The following FRAS1 variants were observed in gnomAD, a reference collection of about 807,000 sequenced individuals.
FRAS1 encodes the protein extracellular matrix organizing protein FRAS1.
A neutral mutation model predicts 435.2 loss-of-function variants in FRAS1; 290 were observed. The observed-to-expected ratio is 0.67, with a 90% CI of 0.61 to 0.73. The LOEUF is 0.73. FRAS1 is among the 30% of genes least tolerant of loss of function. FRAS1 has a pLI of 0.00. For synonymous variants in FRAS1, 1,800 were observed against 1,851.0 expected (o/e 0.97, Z 0.71); for missense variants, 4,860 against 5,001.5 (o/e 0.97, Z 0.85).
At chr4:78,345,249 G>A (rs552041152) in intron 20 of FRAS1, among the ~76,000 whole-genome samples, 17 of 152,124 alleles carry the variant, frequency 1.1e-4, no homozygotes, top group Admixed American at 1.3e-4. Flanking sequence ...AATCATCCCC[G>A]GAAGCCCCCC....
rs1189886985 is a variant in FRAS1, at chr4:78,407,853, T to C, written c.4308+12T>C. ...CCTTCCGCTTCGAGGTACCCTCTGC[T>C]TCCTGACTTTTCTGAAGTCTGATGA... On this transcript the variant is annotated intron_variant, in intron 31 of 73. Coordinates refer to ENST00000512123, the MANE Select transcript of FRAS1 (RefSeq NM_025074.7). 1.3e-6 allele frequency: 2 copies of C among 1,575,136 alleles called. No individual in the cohort carries two copies. The highest frequency in any genetic ancestry group is 2.7e-5 in the African/African-American group (2 of 73,554).
At chr4:78,160,040 A>G (rs992381634) in intron 2 of FRAS1, among the ~76,000 whole-genome samples, 3 of 152,230 alleles carry the variant, frequency 2.0e-5, no homozygotes, top group African/African-American at 7.2e-5. Flanking sequence ...TATCCGTGCT[A>G]CAAGTCAGAG....
intron 70 of FRAS1, among the ~76,000 whole-genome samples, chr4:78,527,366 A>C (rs1232005485): frequency 6.6e-6 from 1 of 151,460 alleles, no homozygotes; most frequent in Non-Finnish European, 1.5e-5. Flanking sequence ...AGCTCTTCTC[A>C]TGTGTTTTGC....
At chr4:78,333,248 T>A in intron 18 of FRAS1, 24 bp from the exon 19 acceptor site, 1 of 1,592,468 alleles carries the variant, frequency 6.3e-7, no homozygotes, top group South Asian at 1.1e-5. Context: ...CCTGATTGTC[T>A]CCTTTGCTTT....
chr4:78,515,958 A>G lies in FRAS1; in HGVS notation c.10334A>G (p.Tyr3445Cys), dbSNP rs1721195578. The G allele has an allele frequency of 2.5e-6, 4 of 1,613,970 alleles. No individual in the cohort carries two copies. The highest frequency in any genetic ancestry group is 1.3e-5 in the African/African-American group (1 of 75,060). Residue 3445 changes from tyrosine (Y) to cysteine (C), a missense_variant, in exon 66 of 74, where the codon TAT (tyrosine) becomes TGT (cysteine). Coordinates refer to ENST00000512123, the MANE Select transcript of FRAS1 (RefSeq NM_025074.7). The part of the protein sequence containing the change: ...KSCVWTFDAY[Y>C]DMTELIDVCG... ...TGCGTGTGGACCTTTGATGCTTATT[A>G]TGACATGACTGAGCTGATTGACGTC...
At chr4:78,466,065 T>G in intron 49 of FRAS1, 143 bp from the exon 50 acceptor site, 1 of 632,242 alleles carries the variant, frequency 1.6e-6, no homozygotes, top group Non-Finnish European at 2.8e-6. Context: ...TAGCTCTATC[T>G]TTGGTGTCTA....
chr4:78,168,123 AACTT>A (rs1194071528), intron 2 of FRAS1, among the ~76,000 whole-genome samples: 1 of 151,806 alleles, frequency 6.6e-6, no homozygotes, highest in African/African-American at 2.4e-5. Flanking sequence ...GTGGGTCTTC[AACTT>A]ACTTAGAATG....
At chr4:78,387,291 A>G (rs778141078) in intron 28 of FRAS1, 84 bp from the exon 29 acceptor site, 1 of 1,007,738 alleles carries the variant, frequency 9.9e-7, no homozygotes, top group Non-Finnish European at 1.5e-6. Flanking sequence ...CTCAAAAAGT[A>G]TAGGAATAAC....
intron 18 of FRAS1, among the ~76,000 whole-genome samples, chr4:78,320,094 T>A (rs1189051509): frequency 6.6e-6 from 1 of 152,192 alleles, no homozygotes; most frequent in Non-Finnish European, 1.5e-5. Context: ...TCCTGGAACA[T>A]GATGGGGAAT....
rs998208495 is a variant in FRAS1 at position 78,241,375 on chromosome 4, G to A, written c.216+3758G>A. ...CTTGCCATCTTCACTATTGCAGCCCGTCAAACAGCATAGTACGCAGCACAC... is the reference window on the plus strand; with the variant it reads ...CTTGCCATCTTCACTATTGCAGCCCATCAAACAGCATAGTACGCAGCACAC... On this transcript the variant is annotated intron_variant, in intron 3 of 73. Coordinates refer to ENST00000512123, the MANE Select transcript of FRAS1 (RefSeq NM_025074.7). Among the ~76,000 whole-genome samples, 6 of 152,110 alleles carry A rather than the reference G, an allele frequency of 3.9e-5. No individual in the cohort carries two copies. The South Asian group carries it at 8.3e-4, about 21-fold the overall frequency.
intron 14 of FRAS1, among the ~76,000 whole-genome samples, chr4:78,298,222 G>T (rs1390120103): frequency 1.3e-5 from 2 of 148,716 alleles, no homozygotes; most frequent in South Asian, 4.2e-4. Context: ...AAAATATAAG[G>T]TGTATTAAAC....
Position 78,057,949 on chromosome 4 carries a change from G to T in FRAS1, c.-61G>T. 2 of 1,542,022 alleles carry T rather than the reference G, an allele frequency of 1.3e-6. No individual in the cohort carries two copies. Among genetic ancestry groups the T allele is most frequent in the Non-Finnish European group, 1.8e-6 (2 of 1,117,782 alleles). The stretch of plus-strand genomic sequence containing the variant: ...TTCCAAGCGCCGGAGCCAGCGTTTT[G>T]GCGGAGCCGCTTCTTGGATGCTGAA... On this transcript the variant is annotated 5_prime_UTR_variant, in exon 1 of 74. Transcript: ENST00000512123. The surrounding 1 kb of genome is among the most constrained non-coding windows in gnomAD (Gnocchi z 4.2).
intron 18 of FRAS1, among the ~76,000 whole-genome samples, chr4:78,331,865 G>A (rs2110256954): frequency 6.6e-6 from 1 of 152,304 alleles, no homozygotes; most frequent in South Asian, 2.1e-4. Flanking sequence ...ATTCCGATGT[G>A]TTGAGGCCAG....
chr4:78,292,849 C>G (rs1264561326), intron 14 of FRAS1, among the ~76,000 whole-genome samples: 1 of 152,186 alleles, frequency 6.6e-6, no homozygotes, highest in East Asian at 1.9e-4. Context: ...CATGTTTCTA[C>G]CACTGCCTTC....
At chr4:78,367,966 A>T (rs114484374) in intron 22 of FRAS1, among the ~76,000 whole-genome samples, 1 of 152,188 alleles carries the variant, frequency 6.6e-6, no homozygotes, top group Non-Finnish European at 1.5e-5. Flanking sequence ...TCTGCTGTGG[A>T]CCTATTTTTA....
chr4:78,328,254 C>T (rs944090158), intron 18 of FRAS1, among the ~76,000 whole-genome samples: 1 of 152,182 alleles, frequency 6.6e-6, no homozygotes, highest in Non-Finnish European at 1.5e-5. Flanking sequence ...TGTTTGTACT[C>T]ATAATGCACT....
At chr4:78,061,230 T>C (rs968502358) in intron 1 of FRAS1, among the ~76,000 whole-genome samples, 4 of 152,258 alleles carry the variant, frequency 2.6e-5, no homozygotes, top group African/African-American at 7.2e-5. Context: ...TATGGCCTTA[T>C]ATTGCTAAAC....
intron 1 of FRAS1, 30 bp downstream of exon 1, chr4:78,058,115 T>TGTGTGTGTGC: frequency 1.3e-6 from 2 of 1,572,994 alleles, no homozygotes; most frequent in Non-Finnish European, 1.7e-6. Context: ...TGTGTGTGTG[T>TGTGTGTGTGC]GTGTGCGTGT....
intron 12 of FRAS1, 26 bp from the exon 13 acceptor site, chr4:78,284,379 C>T (rs1222902054): frequency 1.2e-6 from 2 of 1,612,616 alleles, no homozygotes; most frequent in Admixed American, 1.7e-5. Context: ...TCACAGAGTT[C>T]TCCCCTTCTT....
Sources: gnomAD v4.1 joint callset for allele counts (sites outside exome capture counted in the v4.1 genomes callset) on GRCh38, gnomAD v4.1.1 for gene constraint, Gnocchi (gnomAD v3.1) non-coding constraint, MANE v1.5 for transcripts, NCBI Gene and HGNC (gene_info 2026-07-23, HGNC 2026-07-21) for gene names.